The following BROX variants were observed in gnomAD, a reference collection of about 807,000 sequenced individuals.
BROX encodes the protein BRO1 domain and CAAX motif containing.
BROX carries 53 observed loss-of-function variants against 61.0 expected under a neutral mutation model. That is an observed-to-expected ratio of 0.87 (90% CI 0.70 to 1.09). The LOEUF is 1.09. Among genes scored for constraint, BROX ranks in the 50% least tolerant of loss-of-function variants. BROX has a pLI of 0.00. For missense variants in BROX, 489 were observed against 472.0 expected, an observed-to-expected ratio of 1.04 and a Z score of -0.33; for synonymous variants, 152 against 160.2, an observed-to-expected ratio of 0.95 and a Z score of 0.38.
rs543302144 is a variant in BROX at position 222,722,735 on chromosome 1, A to C, written c.401+221A>C. Among the ~76,000 whole-genome samples the C allele has an allele frequency of 2.0e-5, 3 of 152,364 alleles. No homozygotes were observed. In the South Asian group the frequency reaches 6.2e-4, roughly 32 times the overall value. On this transcript the variant is annotated intron_variant, in intron 5 of 12. Coordinates refer to ENST00000340934, the MANE Select transcript of BROX (RefSeq NM_144695.4). ...GGAAGGTCTTGCTAAGTAAGACCCC[A>C]AATCAAGAACCCATAAAGTAAAAGC...
intron 11 of BROX, among the ~76,000 whole-genome samples, 167 bp from the exon 12 acceptor site, chr1:222,731,190 T>A (rs1657909117): frequency 6.6e-6 from 1 of 152,198 alleles, no homozygotes. Context: ...CCAATTACAT[T>A]GCATTGTAAT....
chr1:222,729,541 T>A (rs1408671317), intron 9 of BROX, 79 bp from the exon 10 acceptor site: 1 of 1,092,898 alleles, frequency 9.1e-7, no homozygotes, highest in African/African-American at 1.6e-5. Flanking sequence ...GGTACTAATT[T>A]ATCTGATAGA....
In BROX at chr1:222,719,328, T is replaced by C. The variant is rs1044502090; in HGVS notation, c.274T>C (p.Trp92Arg). ...SKLRYIQNFK[W>R]TDTLQGQVPS... ...GTTACGATATATTCAAAATTTCAAG[T>C]GGACTGATACATTGCAAGGACAGGT... Residue 92 changes from tryptophan (W) to arginine (R), a missense_variant, in exon 4 of 13, where the codon TGG becomes CGG. Transcript: ENST00000340934. 6.2e-7 allele frequency: 1 copy of C among 1,610,188 alleles called. No individual in the cohort carries two copies. Among genetic ancestry groups the C allele is most frequent in the Non-Finnish European group, 8.5e-7 (1 of 1,176,550 alleles).
Position 222,712,582 on chromosome 1 carries a change from A to G in BROX, c.-377A>G, listed in dbSNP as rs1374692619. On this transcript the variant is annotated 5_prime_UTR_variant, in exon 1 of 13. Coordinates refer to ENST00000340934, the MANE Select transcript of BROX (RefSeq NM_144695.4). Reference sequence around the variant, plus strand: ...CCGCCCCACTGCGCCGAGGGCCGCCATCGCTATTGCGGCATTCTCCCTCGG... The same window carrying G: ...CCGCCCCACTGCGCCGAGGGCCGCCGTCGCTATTGCGGCATTCTCCCTCGG... The G allele has an allele frequency of 7.3e-7, 1 of 1,366,828 alleles. No individual in the cohort carries two copies. Among genetic ancestry groups the G allele is most frequent in the Non-Finnish European group, 9.5e-7 (1 of 1,051,604 alleles). 84.7% of individuals were successfully genotyped at this position (1,366,828 alleles called of 1,614,324 possible).
chr1:222,729,966 G>T, intron 10 of BROX, 61 bp from the exon 11 acceptor site: 1 of 1,504,380 alleles, frequency 6.6e-7, no homozygotes, highest in Non-Finnish European at 9.0e-7. Flanking sequence ...TTAAAGCCTT[G>T]TAGGGATAAA....
In BROX at chr1:222,712,722, G is replaced by A. The variant is rs916149287; in HGVS notation, c.-237G>A. The A allele has an allele frequency of 1.2e-5, 16 of 1,290,934 alleles. No individual in the cohort carries two copies. In the African/African-American group the frequency reaches 2.3e-4, roughly 18 times the overall value. The allele number at this position is 1,290,934 out of a possible 1,614,324, so 80.0% of individuals were successfully genotyped here. On this transcript the variant is annotated 5_prime_UTR_variant, in exon 1 of 13. Transcript: ENST00000340934. Reference sequence around the variant, plus strand: ...ATGAACGAAGCGTTTTGAGGGGACTGCAACGCCGCGGCAATACCCGCCCCT... The same window carrying A: ...ATGAACGAAGCGTTTTGAGGGGACTACAACGCCGCGGCAATACCCGCCCCT...
At chr1:222,713,652 C>A (rs563609895) in intron 1 of BROX, 1 of 155,940 alleles carries the variant, frequency 6.4e-6, no homozygotes, top group East Asian at 1.9e-4. Flanking sequence ...GGGCAGAAAC[C>A]CTCTTCTTTC....
chr1:222,733,389 G>A lies in BROX; in HGVS notation c.*675G>A, dbSNP rs1658095564. On this transcript the variant is annotated 3_prime_UTR_variant, in exon 13 of 13. Coordinates refer to ENST00000340934, the MANE Select transcript of BROX (RefSeq NM_144695.4). ...ATCCACTGCACCTGGCCTCAGGTAT[G>A]TTTTTCTATCTACACACAAAAAGTT... 1 of 151,902 alleles carries A rather than the reference G, an allele frequency of 6.6e-6. No homozygotes were observed. Among genetic ancestry groups the A allele is most frequent in the Non-Finnish European group, 1.5e-5 (1 of 67,984 alleles). The allele number at this position is 151,902 out of a possible 1,614,324, so 9.4% of individuals were successfully genotyped here. A position where few individuals can be genotyped will look rare whatever the true frequency, so the allele number is the denominator to read the frequency against.
At chr1:222,728,567 A>G (rs888566650) in intron 8 of BROX, among the ~76,000 whole-genome samples, 176 bp from the exon 9 acceptor site, 1 of 152,136 alleles carries the variant, frequency 6.6e-6, no homozygotes, top group African/African-American at 2.4e-5. Flanking sequence ...AATCTTATGT[A>G]ACTTAAAGTA....
intron 6 of BROX, among the ~76,000 whole-genome samples, chr1:222,725,136 G>A (rs978675610): frequency 1.4e-4 from 22 of 151,996 alleles, no homozygotes; most frequent in African/African-American, 2.2e-4. Flanking sequence ...AGGCTATCCC[G>A]CAAAAGGAAT....
intron 1 of BROX, among the ~76,000 whole-genome samples, chr1:222,715,478 C>T (rs750156826): frequency 1.8e-4 from 27 of 152,038 alleles, no homozygotes; most frequent in Non-Finnish European, 2.8e-4. Context: ...GAGGCCAAGG[C>T]GGGTGGATCA....
At chr1:222,723,631 G>T (rs187965119) in intron 5 of BROX, among the ~76,000 whole-genome samples, 1 of 152,072 alleles carries the variant, frequency 6.6e-6, no homozygotes, top group Non-Finnish European at 1.5e-5. Context: ...TCCTATAAAC[G>T]TACATTTCAT....
intron 6 of BROX, among the ~76,000 whole-genome samples, chr1:222,724,799 G>A (rs1024654986): frequency 6.6e-6 from 1 of 151,754 alleles, no homozygotes; most frequent in Admixed American, 6.6e-5. Context: ...ATTGTAGTGG[G>A]GTTTTTTTTC....
At chr1:222,727,626 A>G (rs1657606075) in intron 8 of BROX, among the ~76,000 whole-genome samples, 1 of 152,230 alleles carries the variant, frequency 6.6e-6, no homozygotes, top group Non-Finnish European at 1.5e-5. Flanking sequence ...AGCTCCTGTG[A>G]TAAGCCTATT....
chr1:222,713,336 C>T (rs1189452196), intron 1 of BROX: 10 of 985,638 alleles, frequency 1.0e-5, no homozygotes, highest in African/African-American at 5.2e-5. Context: ...CGCCCGCTGC[C>T]TCGAACGGGA....
In BROX at chr1:222,715,743, CTG is replaced by C; in HGVS notation, c.48_49del (p.Ser17PhefsTer2). 1.3e-6 allele frequency: 2 copies of C among 1,596,666 alleles called. No homozygotes were observed. Among genetic ancestry groups the C allele is most frequent in the Non-Finnish European group, 1.7e-6 (2 of 1,170,276 alleles). On this transcript the variant is annotated frameshift_variant, in exon 2 of 13. Coordinates refer to ENST00000340934, the MANE Select transcript of BROX (RefSeq NM_144695.4). LOFTEE classifies it high-confidence loss of function. ...AGGAACCCATTAAAAGCCACAGCTC[CTG>C]TGTCTTTTAATTACTATGGTGTAGT...
intron 12 of BROX, among the ~76,000 whole-genome samples, chr1:222,732,370 C>T (rs981275108): frequency 2.0e-5 from 3 of 152,048 alleles, no homozygotes; most frequent in Non-Finnish European, 2.9e-5. Context: ...ATAGATAGAT[C>T]ACTTAGAAAA....
At position 222,713,006 on chromosome 1, in the gene BROX, G is replaced by C. The variant is rs1177906646; in HGVS notation, c.-17+64G>C. 3 of 1,171,168 alleles carry C rather than the reference G, an allele frequency of 2.6e-6. No individual in the cohort carries two copies. The African/African-American group carries it at 4.8e-5, about 19-fold the overall frequency. The allele number at this position is 1,171,168 out of a possible 1,614,324, so 72.5% of individuals were successfully genotyped here. A position where few individuals can be genotyped will look rare whatever the true frequency, so the allele number is the denominator to read the frequency against. ...CCCCGCTACTTCCCCGGAGTCTCAAGCAATAGGATCACCCCCTTTTACATT... is the reference window on the plus strand; with the variant it reads ...CCCCGCTACTTCCCCGGAGTCTCAACCAATAGGATCACCCCCTTTTACATT... On this transcript the variant is annotated intron_variant, in intron 1 of 12. Transcript: ENST00000340934.
chr1:222,713,247 G>T (rs1358903901), intron 1 of BROX: 1 of 986,144 alleles, frequency 1.0e-6, no homozygotes, highest in Non-Finnish European at 1.2e-6. Context: ...ACCTCTCCCG[G>T]GTTGACAGTA....
Sources: gnomAD v4.1 joint callset for allele counts (sites outside exome capture counted in the v4.1 genomes callset) on GRCh38, gnomAD v4.1.1 for gene constraint, MANE v1.5 for transcripts, NCBI Gene and HGNC (gene_info 2026-07-23, HGNC 2026-07-21) for gene names.